CFAP47: variants seen among roughly 807,000 people sequenced by gnomAD.
The protein encoded by CFAP47 is cilia and flagella associated protein 47, also known as cilia- and flagella-associated protein 47.
Under a neutral mutation model 148.1 loss-of-function variants are expected in CFAP47, and 29 were observed. That is an observed-to-expected ratio of 0.20 (90% confidence interval 0.15 to 0.27). The LOEUF is 0.27. Ranked by LOEUF, CFAP47 falls within the 10% of genes least tolerant of loss-of-function variation. The pLI, the probability that CFAP47 is intolerant of heterozygous loss-of-function variation, is 1.00. For missense variants in CFAP47, 1,872 were observed against 1,697.5 expected, an observed-to-expected ratio of 1.10 and a Z score of -1.81; for synonymous variants, 664 against 577.3, an observed-to-expected ratio of 1.15 and a Z score of -2.15.
At chrX:36,049,555 G>A (rs926779698) in intron 26 of CFAP47, among the ~76,000 whole-genome samples, 1 of 107,223 alleles carries the variant, frequency 9.3e-6, no homozygotes, top group African/African-American at 3.4e-5. Flanking sequence ...TCCACATATA[G>A]TAATGATAGA....
At chrX:36,357,086 C>A (rs1178547606) in intron 60 of CFAP47, among the ~76,000 whole-genome samples, 7 of 111,650 alleles carry the variant, frequency 6.3e-5, no homozygotes, top group African/African-American at 2.3e-4. Flanking sequence ...AAGTGTGAAT[C>A]CTGGAATCAA....
intron 22 of CFAP47, among the ~76,000 whole-genome samples, chrX:36,020,819 T>C (rs1401698401): frequency 1.8e-5 from 2 of 111,721 alleles, no homozygotes; most frequent in Non-Finnish European, 3.8e-5. Flanking sequence ...CATTTGATGT[T>C]ATTATTGTTA....
intron 48 of CFAP47, among the ~76,000 whole-genome samples, chrX:36,247,514 T>C (rs782030219): frequency 2.7e-5 from 3 of 111,511 alleles, no homozygotes; most frequent in Non-Finnish European, 5.7e-5. Context: ...TTGGTATGAA[T>C]GTAGTAACAT....
chrX:36,300,919 C>A (rs1381592939), intron 52 of CFAP47, among the ~76,000 whole-genome samples, 153 bp from the exon 53 acceptor site: 1 of 112,260 alleles, frequency 8.9e-6, no homozygotes, highest in African/African-American at 3.2e-5. Flanking sequence ...ATTAAAAATA[C>A]ATCTACAAAA....
In CFAP47 at chrX:36,065,786, A is replaced by G. The variant is rs370460932; in HGVS notation, c.4318+43A>G. 1.9e-5 allele frequency: 14 copies of G among 751,790 alleles called. No homozygotes were observed. In the African/African-American group the frequency reaches 2.8e-4, roughly 15 times the overall value. 62.0% of individuals were successfully genotyped at this position (751,790 alleles called of 1,213,427 possible). Reference sequence around the variant, plus strand: ...TATTTATCCCTAACTCTCACTGTATAGGTTCTTGGCCAACATCTAGAAATA... The same window carrying G: ...TATTTATCCCTAACTCTCACTGTATGGGTTCTTGGCCAACATCTAGAAATA... On this transcript the variant is annotated intron_variant, in intron 27 of 63. Transcript: ENST00000378653.
chrX:35,982,057 G>A (rs1936653159), intron 15 of CFAP47, among the ~76,000 whole-genome samples: 1 of 111,876 alleles, frequency 8.9e-6, no homozygotes, highest in Non-Finnish European at 1.9e-5. Context: ...GGGTCAAATG[G>A]TATTTCTTTT....
intron 46 of CFAP47, among the ~76,000 whole-genome samples, chrX:36,231,592 A>G (rs1327397337): frequency 9.0e-6 from 1 of 111,046 alleles, no homozygotes; most frequent in African/African-American, 3.3e-5. Flanking sequence ...TTCCTAATTG[A>G]ATACCCTTTA....
intron 26 of CFAP47, among the ~76,000 whole-genome samples, chrX:36,048,709 A>G (rs1937495368): frequency 8.9e-6 from 1 of 112,017 alleles, no homozygotes; most frequent in African/African-American, 3.2e-5. Flanking sequence ...TAGAAGTTTT[A>G]TTCAATTGGT....
At chrX:36,279,219 A>C (rs1317916662) in intron 49 of CFAP47, among the ~76,000 whole-genome samples, 2 of 111,537 alleles carry the variant, frequency 1.8e-5, no homozygotes. Flanking sequence ...CTTTTGGCTA[A>C]TTGTTTTCCA....
intron 44 of CFAP47, among the ~76,000 whole-genome samples, chrX:36,202,918 GT>G (rs1299990484): frequency 9.2e-6 from 1 of 108,510 alleles, no homozygotes; most frequent in Admixed American, 9.8e-5. Context: ...TATAAATGAG[GT>G]TTTGTTTTAG....
At chrX:36,098,922 T>A in intron 31 of CFAP47, 48 bp downstream of exon 31, 1 of 687,628 alleles carries the variant, frequency 1.5e-6, no homozygotes, top group Non-Finnish European at 2.2e-6. Flanking sequence ...TATTATTGTA[T>A]GTACTGGTAT....
intron 48 of CFAP47, among the ~76,000 whole-genome samples, chrX:36,248,987 G>A (rs1255143512): frequency 9.1e-6 from 1 of 110,017 alleles, no homozygotes; most frequent in African/African-American, 3.3e-5. Flanking sequence ...TATGAGATGA[G>A]TGAAAATGAA....
chrX:35,961,522 A>G (rs1167187517), intron 8 of CFAP47, among the ~76,000 whole-genome samples: 2 of 110,177 alleles, frequency 1.8e-5, no homozygotes, highest in East Asian at 5.7e-4. Context: ...CATATTATTC[A>G]TTTTTTCTTG....
chrX:35,970,980 A>AT (rs1177649057), intron 11 of CFAP47, 57 bp downstream of exon 11: 87 of 985,805 alleles, frequency 8.8e-5, no homozygotes, highest in Admixed American at 1.0e-4. Context: ...CAGAGTCAGA[A>AT]TTTTTTTTTA....
At chrX:36,076,020 T>C (rs904955613) in intron 29 of CFAP47, among the ~76,000 whole-genome samples, 1 of 111,339 alleles carries the variant, frequency 9.0e-6, no homozygotes, top group Non-Finnish European at 1.9e-5. Context: ...GGTAGAATGA[T>C]TTATTTTCTT....
chrX:36,328,835 A>AG (rs1941541103), intron 57 of CFAP47, among the ~76,000 whole-genome samples: 1 of 108,334 alleles, frequency 9.2e-6, no homozygotes, highest in Non-Finnish European at 1.9e-5. Context: ...AAAAAAAAAA[A>AG]GAAAAGCAAA....
chrX:36,022,304 C>T (rs964180277), intron 22 of CFAP47, among the ~76,000 whole-genome samples: 2 of 111,586 alleles, frequency 1.8e-5, no homozygotes, highest in Non-Finnish European at 3.8e-5. Flanking sequence ...TCATATCACT[C>T]CAACCTGGCC....
rs1273135943 is a variant in CFAP47, at chrX:36,144,499, A to G, written c.5536-720A>G. ...TCTATTATCTTATTTGATGGTTAAT[A>G]TTAGGTGTCAACTTGACTGGATTGA... On this transcript the variant is annotated intron_variant, in intron 35 of 63. Coordinates refer to ENST00000378653, the MANE Select transcript of CFAP47 (RefSeq NM_001304548.2). The G allele has an allele frequency of 4.2e-6, 4 of 958,888 alleles. No individual in the cohort carries two copies. In the African/African-American group the frequency reaches 6.1e-5, roughly 15 times the overall value. 79.0% of individuals were successfully genotyped at this position (958,888 alleles called of 1,213,427 possible). A position where few individuals can be genotyped will look rare whatever the true frequency, so the allele number is the denominator to read the frequency against.
chrX:36,256,950 G>T, intron 49 of CFAP47, among the ~76,000 whole-genome samples: 1 of 112,124 alleles, frequency 8.9e-6, no homozygotes, highest in East Asian at 2.8e-4. Context: ...ATTTTCAGTT[G>T]AGAGAGGATT....
Sources: gnomAD v4.1 joint callset for allele counts (sites outside exome capture counted in the v4.1 genomes callset) on GRCh38, gnomAD v4.1.1 for gene constraint, MANE v1.5 for transcripts, NCBI Gene and HGNC (gene_info 2026-07-23, HGNC 2026-07-21) for gene names.